MAP2: variants seen among roughly 807,000 people sequenced by gnomAD.
The protein encoded by MAP2 is microtubule-associated protein 2.
Under a neutral mutation model 137.6 loss-of-function variants are expected in MAP2, and 14 were observed. That is an observed-to-expected ratio of 0.10 (90% CI 0.07 to 0.16). The LOEUF (loss-of-function observed/expected upper bound fraction) is 0.16, where lower values mean the gene tolerates loss of function less well. Ranked by LOEUF, MAP2 falls within the 10% of genes least tolerant of loss-of-function variation. MAP2 has a pLI of 1.00. For missense variants in MAP2, 2,088 were observed against 2,191.5 expected, an observed-to-expected ratio of 0.95 and a Z score of 0.94; for synonymous variants, 786 against 782.3, an observed-to-expected ratio of 1.00 and a Z score of -0.08.
At chr2:209,529,376 T>G (rs2064742475) in intron 2 of MAP2, among the ~76,000 whole-genome samples, 1 of 152,192 alleles carries the variant, frequency 6.6e-6, no homozygotes, top group South Asian at 2.1e-4. Flanking sequence ...TAAGTAAACT[T>G]CTTAACAAAC....
chr2:209,615,293 G>C (rs1395970863), intron 3 of MAP2, among the ~76,000 whole-genome samples: 1 of 152,160 alleles, frequency 6.6e-6, no homozygotes, highest in East Asian at 1.9e-4. Flanking sequence ...GGCTATTAGT[G>C]AGTGAAATGC....
At chr2:209,429,248 C>T (rs939152282) in intron 1 of MAP2, among the ~76,000 whole-genome samples, 10 of 152,042 alleles carry the variant, frequency 6.6e-5, no homozygotes, top group East Asian at 1.9e-4. Context: ...CCACCGTGCC[C>T]GGCAATTACT....
chr2:209,621,257 ATT>A (rs1186032597), intron 3 of MAP2, among the ~76,000 whole-genome samples: 91 of 125,068 alleles, frequency 7.3e-4, no homozygotes, highest in African/African-American at 2.0e-3. Context: ...AGGCATCTTG[ATT>A]TTTTTTTTTT....
intron 3 of MAP2, among the ~76,000 whole-genome samples, chr2:209,617,066 G>A (rs2089707441): frequency 6.6e-6 from 1 of 152,126 alleles, no homozygotes; most frequent in Admixed American, 6.5e-5. Flanking sequence ...GCGGGATGGG[G>A]GATACAGTGT....
intron 1 of MAP2, among the ~76,000 whole-genome samples, chr2:209,499,359 G>C (rs1462572967): frequency 6.6e-6 from 1 of 152,124 alleles, no homozygotes; most frequent in Non-Finnish European, 1.5e-5. Flanking sequence ...GGATTTTGCT[G>C]TCCATATCAC....
chr2:209,705,801 T>C, intron 12 of MAP2, 74 bp downstream of exon 12: 3 of 1,236,818 alleles, frequency 2.4e-6, no homozygotes, highest in Non-Finnish European at 3.4e-6. Flanking sequence ...CTTATATTTA[T>C]ATTTTAATTT....
rs188046113 is a variant in MAP2 at position 209,456,865 on chromosome 2, T to C, written c.-222+32589T>C. Among the ~76,000 whole-genome samples the C allele has an allele frequency of 3.3e-5, 5 of 152,300 alleles. No homozygotes were observed. The East Asian group carries it at 9.6e-4, about 29-fold the overall frequency. On this transcript the variant is annotated intron_variant, in intron 1 of 15. Transcript: ENST00000682079. ...CACATTCAAGAATTGGGAGTTGGGATAAAGAACAATCTTCATCTTTGTGTC... is the reference window on the plus strand; with the variant it reads ...CACATTCAAGAATTGGGAGTTGGGACAAAGAACAATCTTCATCTTTGTGTC...
chr2:209,458,394 A>G (rs1702026528), intron 1 of MAP2, among the ~76,000 whole-genome samples: 1 of 152,210 alleles, frequency 6.6e-6, no homozygotes, highest in African/African-American at 2.4e-5. Flanking sequence ...TTTAAAAAGG[A>G]ACTGTTCTAG....
chr2:209,554,970 T>TAA (rs909093301), intron 2 of MAP2, among the ~76,000 whole-genome samples: 6 of 148,468 alleles, frequency 4.0e-5, no homozygotes, highest in Non-Finnish European at 5.9e-5. Flanking sequence ...TATATATATA[T>TAA]AATTTACTTT....
intron 3 of MAP2, among the ~76,000 whole-genome samples, chr2:209,589,747 G>T (rs2078745233): frequency 6.6e-6 from 1 of 152,158 alleles, no homozygotes; most frequent in African/African-American, 2.4e-5. Context: ...TCATTGTTCA[G>T]TTCTGAGTTC....
intron 1 of MAP2, among the ~76,000 whole-genome samples, chr2:209,503,990 G>T (rs1405857508): frequency 6.6e-6 from 1 of 152,054 alleles, no homozygotes; most frequent in Non-Finnish European, 1.5e-5. Context: ...CAGCTACTCA[G>T]GAGGCTGAGG....
At chr2:209,615,447 A>G (rs1361829208) in intron 3 of MAP2, among the ~76,000 whole-genome samples, 1 of 152,220 alleles carries the variant, frequency 6.6e-6, no homozygotes, top group Non-Finnish European at 1.5e-5. Flanking sequence ...TTTCTGCTCA[A>G]GTTAATACCT....
intron 2 of MAP2, among the ~76,000 whole-genome samples, chr2:209,531,548 A>G (rs961618550): frequency 2.0e-5 from 3 of 152,206 alleles, no homozygotes; most frequent in Non-Finnish European, 4.4e-5. Flanking sequence ...TTTGAGAATA[A>G]TGAGTCAGAA....
At chr2:209,516,483 C>T (rs2062525899) in intron 2 of MAP2, among the ~76,000 whole-genome samples, 1 of 151,692 alleles carries the variant, frequency 6.6e-6, no homozygotes, top group Non-Finnish European at 1.5e-5. Flanking sequence ...TTAAGTCAGC[C>T]ATAAGGAGTA....
In MAP2 at chr2:209,603,026, A is replaced by T. The variant is rs75569272; in HGVS notation, c.-106-22027A>T. 7.9e-5 allele frequency among the ~76,000 whole-genome samples: 12 copies of T among 152,294 alleles called. No homozygotes were observed. In the East Asian group the frequency reaches 2.1e-3, roughly 27 times the overall value. On this transcript the variant is annotated intron_variant, in intron 3 of 15. Coordinates refer to ENST00000682079, the MANE Select transcript of MAP2 (RefSeq NM_001375505.1). ...AAGCCATTTAGAATAGAAACCAATT[A>T]ACCACAAATATCAAAAAGAGATAAA...
chr2:209,440,303 CA>C (rs1697438623), intron 1 of MAP2, among the ~76,000 whole-genome samples: 1 of 151,376 alleles, frequency 6.6e-6, no homozygotes, highest in African/African-American at 2.4e-5. Context: ...CATCCTATAC[CA>C]AAAAGGAAAT....
chr2:209,434,401 A>C (rs1432402785), intron 1 of MAP2, among the ~76,000 whole-genome samples: 1 of 151,896 alleles, frequency 6.6e-6, no homozygotes, highest in Non-Finnish European at 1.5e-5. Flanking sequence ...TTTATTTTAT[A>C]ATGGGGTATT....
At chr2:209,646,652 AT>A in intron 4 of MAP2, among the ~76,000 whole-genome samples, 1 of 152,336 alleles carries the variant, frequency 6.6e-6, no homozygotes, top group South Asian at 2.1e-4. Flanking sequence ...GAGAGTCTAC[AT>A]TAATTATCAT....
intron 5 of MAP2, among the ~76,000 whole-genome samples, chr2:209,662,231 G>A (rs980854741): frequency 1.3e-5 from 2 of 152,182 alleles, no homozygotes; most frequent in African/African-American, 4.8e-5. Context: ...GAGGTTAATT[G>A]CATTCACATG....
Sources: allele counts gnomAD v4.1 joint callset (sites outside exome capture counted in the v4.1 genomes callset), GRCh38; gene constraint gnomAD v4.1.1; transcripts MANE v1.5; gene names NCBI Gene and HGNC (gene_info 2026-07-23, HGNC 2026-07-21).